SFI1: variants seen among roughly 807,000 people sequenced by gnomAD.
SFI1 encodes SFI1 centrin binding protein.
SFI1 carries 195 observed loss-of-function variants against 207.5 expected under a neutral mutation model. The observed-to-expected ratio is 0.94, with a 90% confidence interval of 0.84 to 1.06. The LOEUF is 1.06. Ranked by LOEUF, SFI1 falls within the 50% of genes least tolerant of loss-of-function variation. The probability of loss-of-function intolerance (pLI) is 0.00; values close to 1 mark genes in which losing one functional copy is unlikely to be tolerated. For synonymous variants in SFI1, 630 were observed against 598.9 expected, an observed-to-expected ratio of 1.05 and a Z score of -0.76; for missense variants, 1,634 against 1,588.0, an observed-to-expected ratio of 1.03 and a Z score of -0.49.
At chr22:31,521,747 T>G (rs894224064) in intron 2 of SFI1, among the ~76,000 whole-genome samples, 1 of 152,052 alleles carries the variant, frequency 6.6e-6, no homozygotes, top group Non-Finnish European at 1.5e-5. Context: ...ACAAAAAACT[T>G]ACTATTTTAT....
chr22:31,611,812 G>A lies in SFI1; in HGVS notation c.2462G>A (p.Arg821Gln), dbSNP rs764891956. 1.5e-5 allele frequency: 25 copies of A among 1,613,840 alleles called. No individual in the cohort carries two copies. The highest frequency in any genetic ancestry group is 5.5e-5 in the South Asian group (5 of 91,090). Residue 821 changes from arginine (R) to glutamine (Q), a missense_variant, in exon 24 of 33, where the codon CGG (arginine) becomes CAG (glutamine). Coordinates refer to ENST00000400288, the MANE Select transcript of SFI1 (RefSeq NM_001007467.3). ...CAACTGCTGGCACAGAGACTCAGCCGGACCTGCTTCCGCCAGTGGAGACAA... is the reference window on the plus strand; with the variant it reads ...CAACTGCTGGCACAGAGACTCAGCCAGACCTGCTTCCGCCAGTGGAGACAA... ...STQLLAQRLS[R>Q]TCFRQWRQQL...
chr22:31,504,297 C>T (rs748807887), intron 1 of SFI1, among the ~76,000 whole-genome samples: 7 of 152,130 alleles, frequency 4.6e-5, no homozygotes, highest in Non-Finnish European at 4.4e-5. Flanking sequence ...GAAATAATCA[C>T]TTATGATGAC....
chr22:31,592,702 C>G (rs1348196723), intron 15 of SFI1, among the ~76,000 whole-genome samples: 1 of 92,058 alleles, frequency 1.1e-5, no homozygotes, highest in Non-Finnish European at 2.2e-5. Context: ...ACCTCCCTCC[C>G]GGATGGGGCG....
intron 1 of SFI1, among the ~76,000 whole-genome samples, chr22:31,505,888 C>T (rs778510628): frequency 5.3e-5 from 8 of 151,010 alleles, no homozygotes; most frequent in Non-Finnish European, 8.9e-5. Context: ...TGGGTGACAG[C>T]GTGAGAAAGA....
rs1166897755 is a variant in SFI1 at position 31,579,381 on chromosome 22, TC to T, written c.1156-890del. Among the ~76,000 whole-genome samples, 3 of 151,682 alleles carry T rather than the reference TC, an allele frequency of 2.0e-5. No individual in the cohort carries two copies. The South Asian group carries it at 6.2e-4, about 32-fold the overall frequency. On this transcript the variant is annotated intron_variant, in intron 11 of 32. Transcript: ENST00000400288. The stretch of plus-strand genomic sequence containing the variant: ...CCCAGCCTGGAGTGCAGTGGTGCTA[TC>T]TTGGCTCACTGCAAGCTCTGCCTCC...
At chr22:31,584,998 C>G (rs190150438) in intron 13 of SFI1, 70 bp from the exon 14 acceptor site, 5 of 1,405,740 alleles carry the variant, frequency 3.6e-6, no homozygotes, top group Non-Finnish European at 5.0e-6. Flanking sequence ...GTAACTGTAC[C>G]GCAATTTACC....
In SFI1 at chr22:31,575,244, A is replaced by G. The variant is rs2063363016; in HGVS notation, c.936A>G (p.Arg312=). 3 of 1,609,852 alleles carry G rather than the reference A, an allele frequency of 1.9e-6. No individual in the cohort carries two copies. The highest frequency in any genetic ancestry group is 2.5e-6 in the Non-Finnish European group (3 of 1,178,078). Residue 312 remains arginine (R), a synonymous_variant, in exon 10 of 33, where the codon CGA becomes CGG. Transcript: ENST00000400288. ...VKRQQNEMAE[R]FHHVTVLQIY... Reference sequence around the variant, plus strand: ...TCTCTGTTGCAGAGATGGCTGAGCGATTCCATCATGTCACTGTGCTCCAGA... The same window carrying G: ...TCTCTGTTGCAGAGATGGCTGAGCGGTTCCATCATGTCACTGTGCTCCAGA...
intron 16 of SFI1, 91 bp downstream of exon 16, chr22:31,602,384 G>C: frequency 3.0e-6 from 4 of 1,325,050 alleles, no homozygotes; most frequent in Non-Finnish European, 4.3e-6. Context: ...GAAGTTGCTC[G>C]GACCTCACTG....
In SFI1 at chr22:31,580,327, TAAG is replaced by T. The variant is rs765052190; in HGVS notation, c.1215_1217del (p.Arg406del). ...GTGACCCACGCTCATCTCCAGCAAATAAGAAGGAATCTTGCTCACCAGCAGCAT... is the reference window on the plus strand; with the variant it reads ...GTGACCCACGCTCATCTCCAGCAAATAAGGAATCTTGCTCACCAGCAGCAT... On this transcript the variant is annotated inframe_deletion, in exon 12 of 33. Transcript: ENST00000400288. 4.3e-6 allele frequency: 7 copies of T among 1,613,860 alleles called. No individual in the cohort carries two copies. Among genetic ancestry groups the T allele is most frequent in the Non-Finnish European group, 5.9e-6 (7 of 1,179,926 alleles).
At chr22:31,579,573 C>A (rs1387619968) in intron 11 of SFI1, among the ~76,000 whole-genome samples, 3 of 152,158 alleles carry the variant, frequency 2.0e-5, no homozygotes, top group African/African-American at 7.2e-5. Flanking sequence ...CCTCGGCCTC[C>A]CAAAGTGCTG....
rs200240960 is a variant in SFI1 at position 31,618,387 on chromosome 22, G to A, written c.3698G>A (p.Arg1233His). The change falls in exon 33 of 33, where the codon CGC becomes CAC. Residue 1233 changes from arginine (R) to histidine (H), a missense_variant. By Grantham distance (29) the Arg-to-His change is conservative. Transcript: ENST00000400288. ...CAGCCCATTGGCGCCTGCGTTGCCC[G>A]CATCCAGGCCCTGCGGCAGGCCCTG... ...QRQPIGACVA[R>H]IQALRQALC 1.4e-5 allele frequency: 22 copies of A among 1,600,992 alleles called. No homozygotes were observed. The highest frequency in any genetic ancestry group is 1.7e-5 in the Non-Finnish European group (20 of 1,172,160).
At chr22:31,607,790 G>C in intron 21 of SFI1, 147 bp from the exon 22 acceptor site, 1 of 626,784 alleles carries the variant, frequency 1.6e-6, no homozygotes, top group Non-Finnish European at 2.9e-6. Context: ...TGGTCTGCGT[G>C]CAAGGCAGTT....
chr22:31,583,930 G>C lies in SFI1; in HGVS notation c.1304G>C (p.Arg435Thr), dbSNP rs1462611075. The C allele has an allele frequency of 1.2e-5, 19 of 1,614,078 alleles. No homozygotes were observed. The highest frequency in any genetic ancestry group is 1.6e-5 in the Non-Finnish European group (19 of 1,180,038). Reference sequence around the variant, plus strand: ...TCTCAGATTGAGCAGAAAAAGGAAAGAGAGCTGCTCCCCTTACTGCATGCT... The same window carrying C: ...TCTCAGATTGAGCAGAAAAAGGAAACAGAGCTGCTCCCCTTACTGCATGCT... ...WRSQIEQKKE[R>T]ELLPLLHAAW... is the part of the protein sequence containing the mutation. Residue 435 changes from arginine (R) to threonine (T), a missense_variant, in exon 13 of 33, where the codon AGA becomes ACA. By Grantham distance (71) the Arg-to-Thr change is moderately conservative. Transcript: ENST00000400288.
At chr22:31,616,695 G>A in intron 29 of SFI1, 50 bp from the exon 30 acceptor site, 1 of 1,504,310 alleles carries the variant, frequency 6.6e-7, no homozygotes, top group South Asian at 1.4e-5. Context: ...CCCCCTCCCT[G>A]GCTTCCTCCT....
intron 4 of SFI1, among the ~76,000 whole-genome samples, chr22:31,537,781 A>G (rs1020536315): frequency 5.3e-5 from 8 of 152,192 alleles, no homozygotes; most frequent in African/African-American, 1.9e-4. Flanking sequence ...TCAAATATCA[A>G]TCTGTTAAAA....
intron 10 of SFI1, among the ~76,000 whole-genome samples, chr22:31,575,676 G>A (rs939759942): frequency 6.6e-6 from 1 of 152,080 alleles, no homozygotes; most frequent in Admixed American, 6.6e-5. Flanking sequence ...CCCTGACTGC[G>A]TTCTTTTTCT....
chr22:31,598,716 C>CTTTTTTTTTTTTTTTTTTTT (rs71184513), intron 15 of SFI1, among the ~76,000 whole-genome samples: 2 of 26,888 alleles, frequency 7.4e-5, no homozygotes, highest in African/African-American at 1.2e-4. Flanking sequence ...TGCGCCTGGC[C>CTTTTTTTTTTTTTTTTTTTT]TTTTTTTTTT....
At chr22:31,511,507 C>A (rs1341174759) in intron 2 of SFI1, among the ~76,000 whole-genome samples, 1 of 130,418 alleles carries the variant, frequency 7.7e-6, no homozygotes, top group Non-Finnish European at 1.5e-5. Flanking sequence ...TCTGCTCTGT[C>A]GCTCAGGTTG....
At chr22:31,562,694 C>A (rs1602753949) in intron 8 of SFI1, among the ~76,000 whole-genome samples, 2 of 151,768 alleles carry the variant, frequency 1.3e-5, no homozygotes, top group East Asian at 3.9e-4. Context: ...AGTGGAGTGG[C>A]ACAGTCTTGG....
Sources: gnomAD v4.1 joint callset for allele counts (sites outside exome capture counted in the v4.1 genomes callset) on GRCh38, gnomAD v4.1.1 for gene constraint, MANE v1.5 for transcripts, NCBI Gene and HGNC (gene_info 2026-07-23, HGNC 2026-07-21) for gene names.